The following WASF3 variants were observed in gnomAD, a reference collection of about 807,000 sequenced individuals.
WASF3 encodes WASP family member 3, also known as actin-binding protein WASF3.
WASF3 carries 11 observed loss-of-function variants against 46.6 expected under a neutral mutation model. The ratio of observed to expected loss-of-function variants is 0.24; its 90% CI spans 0.15 to 0.39. WASF3 has a LOEUF of 0.39. WASF3 is among the 10% of genes least tolerant of loss of function. WASF3 has a pLI of 1.00. For synonymous variants in WASF3, 242 were observed against 259.7 expected (o/e 0.93, Z 0.65); for missense variants, 576 against 669.8 (o/e 0.86, Z 1.55).
At chr13:26,602,504 T>C (rs1880671220) in intron 1 of WASF3, among the ~76,000 whole-genome samples, 1 of 152,194 alleles carries the variant, frequency 6.6e-6, no homozygotes, top group South Asian at 2.1e-4. Flanking sequence ...AGGTTTTGAC[T>C]AGAGGCTCAG....
chr13:26,575,695 A>G (rs1186500757), intron 1 of WASF3, among the ~76,000 whole-genome samples: 2 of 152,140 alleles, frequency 1.3e-5, no homozygotes, highest in East Asian at 1.9e-4. Context: ...TTGATATACA[A>G]TCCTTTTTAC....
At chr13:26,672,612 G>A (rs182354166) in intron 6 of WASF3, among the ~76,000 whole-genome samples, 3 of 152,312 alleles carry the variant, frequency 2.0e-5, no homozygotes, top group Non-Finnish European at 4.4e-5. Context: ...TTTGGGCCCA[G>A]AAATTAGACT....
In WASF3 at chr13:26,682,909, G is replaced by T; in HGVS notation, c.1286G>T (p.Arg429Leu). Residue 429 changes from arginine (R) to leucine (L), a missense_variant, in exon 9 of 10, where the codon CGG (arginine) becomes CTG (leucine). By Grantham distance (102) the Arg-to-Leu change is moderately radical. Around this residue, in one of 3 missense-constraint regions of WASF3, gnomAD observed 295 missense variants for 291.5 expected, o/e 1.01. Coordinates refer to ENST00000335327, the MANE Select transcript of WASF3 (RefSeq NM_006646.6). This position sits in a 1 kb window ranked among gnomAD's most constrained non-coding sequence, Gnocchi z 4.4. ...MHGPPVAEAK[R>L]QEPAQPPISD... ...GGCCCCCCAGTAGCTGAGGCGAAGC[G>T]GCAAGAGCCTGCACAGCCACCAATC... is the stretch of plus-strand genomic sequence containing the variant. 2 of 1,610,738 alleles carry T rather than the reference G, an allele frequency of 1.2e-6. No homozygotes were observed. Among genetic ancestry groups the T allele is most frequent in the Non-Finnish European group, 8.5e-7 (1 of 1,179,978 alleles).
chr13:26,554,084 C>CTTTCTTTCT (rs1268537550), upstream of WASF3, among the ~76,000 whole-genome samples: 62 of 36,104 alleles, frequency 1.7e-3, no homozygotes, highest in Middle Eastern at 0.042. Context: ...TCCTTCCTTC[C>CTTTCTTTCT]TTCCTTCCTT....
intron 1 of WASF3, among the ~76,000 whole-genome samples, chr13:26,560,279 TG>T (rs1879256506): frequency 6.6e-6 from 1 of 152,186 alleles, no homozygotes; most frequent in Non-Finnish European, 1.5e-5. Flanking sequence ...GACTTTATGC[TG>T]GTAATACAGA....
At chr13:26,584,256 G>C (rs969714110) in intron 1 of WASF3, among the ~76,000 whole-genome samples, 1 of 152,204 alleles carries the variant, frequency 6.6e-6, no homozygotes, top group African/African-American at 2.4e-5. Context: ...AGTGGTTTCT[G>C]CTGGAACAGA....
chr13:26,553,009 C>G (rs1173921506), upstream of WASF3, among the ~76,000 whole-genome samples: 5 of 152,174 alleles, frequency 3.3e-5, no homozygotes, highest in Admixed American at 6.5e-5. Flanking sequence ...AGATTTTGAC[C>G]AGGCAAAGAA....
At chr13:26,658,190 C>G (rs1882522845) in intron 3 of WASF3, among the ~76,000 whole-genome samples, 1 of 152,108 alleles carries the variant, frequency 6.6e-6, no homozygotes, top group Non-Finnish European at 1.5e-5. Flanking sequence ...GTTTTCTGTA[C>G]AGCCGAAGGG....
intron 1 of WASF3, among the ~76,000 whole-genome samples, chr13:26,602,532 ATGT>A (rs1880671963): frequency 6.6e-6 from 1 of 152,164 alleles, no homozygotes; most frequent in African/African-American, 2.4e-5. Context: ...GAATGTAGAC[ATGT>A]TGTAAAAATG....
At chr13:26,656,725 G>C (rs1464936848) in intron 3 of WASF3, among the ~76,000 whole-genome samples, 1 of 151,886 alleles carries the variant, frequency 6.6e-6, no homozygotes, top group Non-Finnish European at 1.5e-5. Context: ...AATTTTGTTA[G>C]TTATGTTTTC....
intron 3 of WASF3, among the ~76,000 whole-genome samples, chr13:26,656,964 T>A (rs1163786264): frequency 6.6e-6 from 1 of 152,190 alleles, no homozygotes; most frequent in Non-Finnish European, 1.5e-5. Flanking sequence ...ACTCATTCCT[T>A]ATGACTATGA....
chr13:26,546,967 A>C, the WASF3 span, among the ~76,000 whole-genome samples: 2 of 152,174 alleles, frequency 1.3e-5, no homozygotes, highest in African/African-American at 4.8e-5. Flanking sequence ...ATCTCTACTT[A>C]CCATGTCTGA....
intron 1 of WASF3, among the ~76,000 whole-genome samples, chr13:26,604,586 A>G (rs1475048985): frequency 6.6e-6 from 1 of 152,206 alleles, no homozygotes; most frequent in African/African-American, 2.4e-5. Context: ...AGAGTAAGTT[A>G]CTGAACTATA....
chr13:26,557,947 C>A, intron 1 of WASF3, 128 bp downstream of exon 1: 1 of 248,696 alleles, frequency 4.0e-6, no homozygotes, highest in East Asian at 7.2e-5. Flanking sequence ...TCGCCGCGCG[C>A]TCCGGCCGGG....
chr13:26,544,841 G>C, the WASF3 span, among the ~76,000 whole-genome samples: 5 of 152,230 alleles, frequency 3.3e-5, no homozygotes, highest in Non-Finnish European at 1.5e-5. Flanking sequence ...CCATACTGTG[G>C]ACATTCCAGA....
intron 1 of WASF3, among the ~76,000 whole-genome samples, chr13:26,560,738 G>A (rs899697189): frequency 6.6e-6 from 1 of 152,186 alleles, no homozygotes; most frequent in Non-Finnish European, 1.5e-5. Flanking sequence ...ACACTTCAGA[G>A]TTTTAATATG....
intron 2 of WASF3, chr13:26,622,620 G>A (rs1471789766): frequency 1.3e-5 from 2 of 152,134 alleles, no homozygotes; most frequent in East Asian, 3.9e-4. Context: ...GAGAATATCA[G>A]TTTACTTAGC....
At chr13:26,560,276 T>C (rs879701885) in intron 1 of WASF3, among the ~76,000 whole-genome samples, 70 of 152,320 alleles carry the variant, frequency 4.6e-4, no homozygotes, top group African/African-American at 9.9e-4. Flanking sequence ...CTTGACTTTA[T>C]GCTGGTAATA....
At chr13:26,623,638 T>C (rs529660) in intron 2 of WASF3, among the ~76,000 whole-genome samples, 129,382 of 152,132 alleles carry the variant, frequency 0.85, 55,075 homozygotes, top group East Asian at 0.9. Context: ...AGTTTAGTTG[T>C]GTTGGAGAAG....
Sources: gnomAD v4.1 joint callset for allele counts (sites outside exome capture counted in the v4.1 genomes callset) on GRCh38, gnomAD v4.1.1 for gene constraint, gnomAD v4.1.1 regional missense constraint, Gnocchi (gnomAD v3.1) non-coding constraint, MANE v1.5 for transcripts, NCBI Gene and HGNC (gene_info 2026-07-23, HGNC 2026-07-21) for gene names.